CCNF: variants seen among roughly 807,000 people sequenced by gnomAD.
The protein encoded by CCNF is cyclin F, also known as cyclin-F.
Under a neutral mutation model 85.4 loss-of-function variants are expected in CCNF, and 30 were observed. That is an observed-to-expected ratio of 0.35 (90% CI 0.26 to 0.48). The LOEUF is 0.48. CCNF is among the 20% of genes least tolerant of loss of function. CCNF has a pLI of 0.99. For synonymous variants in CCNF, 439 were observed against 425.1 expected (o/e 1.03, Z -0.40); for missense variants, 919 against 1,010.4 (o/e 0.91, Z 1.23).
Position 2,455,385 on chromosome 16 carries a change from C to T in CCNF, c.1716-10C>T. On this transcript the variant is annotated splice_polypyrimidine_tract_variant and intron_variant, in intron 15 of 16. Coordinates refer to ENST00000397066, the MANE Select transcript of CCNF (RefSeq NM_001761.3). ...ATGACTGGGTCTCCTGGGCTCTCTC[C>T]ACCTTGCAGGAAGCGGGAGAACAGC... is the stretch of plus-strand genomic sequence containing the variant. 6.4e-7 allele frequency: 1 copy of T among 1,573,752 alleles called. No homozygotes were observed. The highest frequency in any genetic ancestry group is 8.7e-7 in the Non-Finnish European group (1 of 1,150,324).
Position 2,453,116 on chromosome 16 carries a change from C to A in CCNF, c.1488-94C>A, listed in dbSNP as rs1053912127. ...CAGGTCAGATTCCAGAGTGACTGCACCATTTTGCATTCTCATTGCTCACTT... is the reference window on the plus strand; with the variant it reads ...CAGGTCAGATTCCAGAGTGACTGCAACATTTTGCATTCTCATTGCTCACTT... On this transcript the variant is annotated intron_variant, in intron 13 of 16. Transcript: ENST00000397066. This position sits in a 1 kb window ranked among gnomAD's most constrained non-coding sequence, Gnocchi z 5.6. The A allele has an allele frequency of 3.8e-5, 40 of 1,044,310 alleles. No homozygotes were observed. Among genetic ancestry groups the A allele is most frequent in the Admixed American group, 2.9e-4 (16 of 55,790 alleles). The allele number at this position is 1,044,310 out of a possible 1,614,324, so 64.7% of individuals were successfully genotyped here.
chr16:2,439,847 G>A lies in CCNF; in HGVS notation c.777+21G>A, dbSNP rs760743199. On this transcript the variant is annotated intron_variant, in intron 8 of 16. Coordinates refer to ENST00000397066, the MANE Select transcript of CCNF (RefSeq NM_001761.3). ...CGCAGGTGAGGTGCGGGGCTGGGAT[G>A]ACGTGGGGAGCTGGCCTTTCTCCCT... 18 of 1,605,860 alleles carry A rather than the reference G, an allele frequency of 1.1e-5. No homozygotes were observed. The African/African-American group carries it at 2.1e-4, about 19-fold the overall frequency.
At chr16:2,449,042 G>GGCC in intron 11 of CCNF, 64 bp downstream of exon 11, 1 of 683,622 alleles carries the variant, frequency 1.5e-6, no homozygotes, top group Non-Finnish European at 2.7e-6. Context: ...GTGGGGGTGG[G>GGCC]CATTCAGCTT....
chr16:2,449,036 G>A, intron 11 of CCNF, 58 bp downstream of exon 11: 1 of 1,270,334 alleles, frequency 7.9e-7, no homozygotes, highest in Non-Finnish European at 1.1e-6. Context: ...TGGAGGGTGG[G>A]GGTGGGCATT....
chr16:2,449,470 G>A lies in CCNF; in HGVS notation c.1399+8G>A, dbSNP rs2065381310. The A allele has an allele frequency of 6.3e-7, 1 of 1,597,078 alleles. No homozygotes were observed. Among genetic ancestry groups the A allele is most frequent in the Admixed American group, 1.7e-5 (1 of 59,712 alleles). ...GACTGACGCACGGGCAGAGTAAGGA[G>A]TGGCCCTTCCCAGGGATGCCTGTGT... is the stretch of plus-strand genomic sequence containing the variant. On this transcript the variant is annotated splice_region_variant and intron_variant, in intron 12 of 16. Transcript: ENST00000397066.
chr16:2,445,441 T>A lies in CCNF; in HGVS notation c.930-17T>A. 6.2e-7 allele frequency: 1 copy of A among 1,613,826 alleles called. No homozygotes were observed. Among genetic ancestry groups the A allele is most frequent in the South Asian group, 1.1e-5 (1 of 91,068 alleles). ...GAGAACGCCCCCACCAGTTCCCACG[T>A]GCTTCTCTTTCCGCAGGTACATTCT... is the stretch of plus-strand genomic sequence containing the variant. On this transcript the variant is annotated splice_polypyrimidine_tract_variant and intron_variant, in intron 9 of 16. Transcript: ENST00000397066.
chr16:2,440,478 G>A (rs1013810110), intron 8 of CCNF, among the ~76,000 whole-genome samples: 19 of 152,076 alleles, frequency 1.2e-4, no homozygotes, highest in African/African-American at 4.6e-4. Context: ...TTAGCTGGGC[G>A]TGGTGGCAGG....
Position 2,455,539 on chromosome 16 carries a change from G to A in CCNF, c.1860G>A (p.Glu620=), listed in dbSNP as rs748686645. The change falls in exon 16 of 17, where the codon GAG becomes GAA. Residue 620 remains glutamate, a synonymous_variant. Coordinates refer to ENST00000397066, the MANE Select transcript of CCNF (RefSeq NM_001761.3). ...GCTCTGGCTATGAAGGCGACCAGGAGAGTGAGGGCGAGAAGGAGGGCGACG... is the reference window on the plus strand; with the variant it reads ...GCTCTGGCTATGAAGGCGACCAGGAAAGTGAGGGCGAGAAGGAGGGCGACG... ...DCCSGYEGDQ[E]SEGEKEGDVT... is the part of the protein sequence containing the mutation. 3 of 1,600,732 alleles carry A rather than the reference G, an allele frequency of 1.9e-6. No individual in the cohort carries two copies. Among genetic ancestry groups the A allele is most frequent in the East Asian group, 2.3e-5 (1 of 44,406 alleles).
rs974206606 is a variant in CCNF at position 2,449,902 on chromosome 16, C to T, written c.1474C>T (p.Leu492Phe). ...YEDLIPCVLS[L>F]HKKCFHDDAP... ...AGACCTCATTCCCTGCGTCTTGAGC[C>T]TCCATAAGAAGTGGTGAGTTTTGGC... The change falls in exon 13 of 17, where the codon CTC becomes TTC. Residue 492 changes from leucine to phenylalanine, a missense_variant. Around this residue, in one of 3 missense-constraint regions of CCNF, gnomAD observed 505 missense variants for 514.8 expected, o/e 0.98. Coordinates refer to ENST00000397066, the MANE Select transcript of CCNF (RefSeq NM_001761.3). The T allele has an allele frequency of 5.0e-6, 8 of 1,612,994 alleles. No homozygotes were observed. The East Asian group carries it at 1.3e-4, about 27-fold the overall frequency.
chr16:2,438,077 A>C lies in CCNF; in HGVS notation c.548A>C (p.Lys183Thr), dbSNP rs778360498. 5 of 1,610,860 alleles carry C rather than the reference A, an allele frequency of 3.1e-6. No individual in the cohort carries two copies. In the African/African-American group the frequency reaches 6.7e-5, roughly 22 times the overall value. ...TTTCTCCTTTTTTTAAAGACTCACA[A>C]AGCATCCATATTGCACTGCTTGGGC... ...RAECQLQRTH[K>T]ASILHCLGRV... The change falls in exon 6 of 17, where the codon AAA (lysine) becomes ACA (threonine). Residue 183 changes from lysine to threonine, a missense_variant. By Grantham distance (78) the Lys-to-Thr change is moderately conservative (BLOSUM62 -1). This residue lies in a region of CCNF where 410 missense variants were observed against 478.6 expected (regional missense o/e 0.86). Transcript: ENST00000397066.
In CCNF at chr16:2,430,883, C is replaced by A. The variant is rs762977300; in HGVS notation, c.17-247C>A. 6 of 654,072 alleles carry A rather than the reference C, an allele frequency of 9.2e-6. No homozygotes were observed. In the East Asian group the frequency reaches 1.2e-4, roughly 13 times the overall value. 40.5% of individuals were successfully genotyped at this position (654,072 alleles called of 1,614,324 possible). On this transcript the variant is annotated intron_variant, in intron 1 of 16. Transcript: ENST00000397066. ...CCCAATAGCCAAGTTACATGACATG[C>A]GCTATTTGCCATAAATATTTGTTGA... is the stretch of plus-strand genomic sequence containing the variant.
At chr16:2,445,294 C>T (rs1188667318) in intron 9 of CCNF, 164 bp from the exon 10 acceptor site, 19 of 753,034 alleles carry the variant, frequency 2.5e-5, no homozygotes, top group East Asian at 7.7e-5. Context: ...CGGAGCCTCC[C>T]GGGCTTCCTG....
Position 2,456,265 on chromosome 16 carries a change from T to C in CCNF, c.1886-280T>C. Reference sequence around the variant, plus strand: ...GCGGGGTCCTTGCCAGAAGCCCAGTTAGTGTGAGTCCTGTCAGTTTCCCGG... The same window carrying C: ...GCGGGGTCCTTGCCAGAAGCCCAGTCAGTGTGAGTCCTGTCAGTTTCCCGG... On this transcript the variant is annotated intron_variant, in intron 16 of 16. Coordinates refer to ENST00000397066, the MANE Select transcript of CCNF (RefSeq NM_001761.3). The surrounding 1 kb of genome is among the most constrained non-coding windows in gnomAD (Gnocchi z 4.5). 1 of 392,346 alleles carries C rather than the reference T, an allele frequency of 2.5e-6. No homozygotes were observed. Among genetic ancestry groups the C allele is most frequent in the Non-Finnish European group, 4.6e-6 (1 of 218,056 alleles). 24.3% of individuals were successfully genotyped at this position (392,346 alleles called of 1,614,324 possible). A position where few individuals can be genotyped will look rare whatever the true frequency, so the allele number is the denominator to read the frequency against.
In CCNF at chr16:2,433,011, A is replaced by C; in HGVS notation, c.222A>C (p.Ala74=). ...TGGACAACCACGCCAGTGTGTGGGC[A>C]TGTGCCAGCTTCCAGGAGCTGTGGC... The part of the protein sequence containing the change: ...DLVDNHASVW[A]CASFQELWPS... The change falls in exon 3 of 17, where the codon GCA becomes GCC. Residue 74 remains alanine, a synonymous_variant. Transcript: ENST00000397066. 6.2e-7 allele frequency: 1 copy of C among 1,611,598 alleles called. No homozygotes were observed. The highest frequency in any genetic ancestry group is 1.3e-5 in the African/African-American group (1 of 75,000).
intron 10 of CCNF, among the ~76,000 whole-genome samples, chr16:2,446,972 A>G (rs2065365378): frequency 6.6e-6 from 1 of 152,204 alleles, no homozygotes; most frequent in African/African-American, 2.4e-5. Context: ...AGGAGGGAGC[A>G]AACCCTGCCA....
At position 2,454,782 on chromosome 16, in the gene CCNF, G is replaced by A. The variant is rs547863953; in HGVS notation, c.1716-613G>A. On this transcript the variant is annotated intron_variant, in intron 15 of 16. Transcript: ENST00000397066. ...CTTATTAATCAACACCAGAGGGGCC[G>A]GGTGCGGTTGCTCATGCCTGTAATC... is the stretch of plus-strand genomic sequence containing the variant. Among the ~76,000 whole-genome samples, 418 of 152,306 alleles carry A rather than the reference G, an allele frequency of 2.7e-3. 1 individual carries two copies. The highest frequency in any genetic ancestry group is 8.7e-3 in the African/African-American group (363 of 41,570).
intron 4 of CCNF, 45 bp from the exon 5 acceptor site, chr16:2,437,084 G>C (rs776563616): frequency 2.1e-6 from 3 of 1,445,378 alleles, no homozygotes; most frequent in African/African-American, 1.4e-5. Flanking sequence ...TCCACATTCC[G>C]TCCCTAAGAG....
intron 1 of CCNF, 50 bp downstream of exon 1, chr16:2,429,547 T>A: frequency 8.2e-7 from 1 of 1,225,952 alleles, no homozygotes; most frequent in Non-Finnish European, 1.0e-6. Context: ...CCCTTCTGCC[T>A]GCCCTGCGGG....
intron 4 of CCNF, chr16:2,436,074 A>G (rs926598234): frequency 2.3e-5 from 11 of 469,098 alleles, no homozygotes; most frequent in Admixed American, 2.3e-4. Context: ...TTTGCAGGTT[A>G]CGAAAGTCGC....
Sources: gnomAD v4.1 joint callset for allele counts (sites outside exome capture counted in the v4.1 genomes callset) on GRCh38, gnomAD v4.1.1 for gene constraint, gnomAD v4.1.1 regional missense constraint, Gnocchi (gnomAD v3.1) non-coding constraint, MANE v1.5 for transcripts, NCBI Gene and HGNC (gene_info 2026-07-23, HGNC 2026-07-21) for gene names.